IPO11: variants seen among roughly 807,000 people sequenced by gnomAD.
The protein encoded by IPO11 is importin-11.
IPO11 carries 66 observed loss-of-function variants against 143.2 expected under a neutral mutation model. The observed-to-expected ratio is 0.46, with a 90% confidence interval of 0.38 to 0.57. IPO11 has a LOEUF of 0.57. IPO11 is among the 20% of genes least tolerant of loss of function. The pLI, the probability that IPO11 is intolerant of heterozygous loss-of-function variation, is 0.00. For missense variants in IPO11, 1,026 were observed against 1,141.0 expected (o/e 0.90, Z 1.45); for synonymous variants, 385 against 377.8 (o/e 1.02, Z -0.22).
At chr5:62,518,140 TA>T (rs34629573) in intron 20 of IPO11, among the ~76,000 whole-genome samples, 59,804 of 120,314 alleles carry the variant, frequency 0.5, 13,276 homozygotes, top group South Asian at 0.54. Context: ...CCGTGCCTAC[TA>T]AAAAAAAAAA....
At chr5:62,620,517 TAAAAAAAAAAAAAA>T (rs71608518) in intron 29 of IPO11, among the ~76,000 whole-genome samples, 1 of 105,806 alleles carries the variant, frequency 9.5e-6, no homozygotes, top group East Asian at 2.8e-4. Context: ...AGACTCTGTC[TAAAAAAAAAAAAAA>T]AAAAAAAAAT....
rs1745193788 is a variant in IPO11, at chr5:62,457,226, T to C, written c.516+5293T>C. The stretch of plus-strand genomic sequence containing the variant: ...TCATTAGGCTGGGCATGGTGACTCA[T>C]GCCTGTAATCCCAGCACTTTGGAAA... On this transcript the variant is annotated intron_variant, in intron 5 of 29. Transcript: ENST00000325324. Among the ~76,000 whole-genome samples the C allele has an allele frequency of 2.6e-5, 4 of 152,154 alleles. No individual in the cohort carries two copies. The South Asian group carries it at 8.3e-4, about 32-fold the overall frequency.
intron 16 of IPO11, among the ~76,000 whole-genome samples, chr5:62,499,115 T>C (rs555746842): frequency 6.6e-6 from 1 of 152,330 alleles, no homozygotes; most frequent in African/African-American, 2.4e-5. Flanking sequence ...CATATAGTCA[T>C]GTGCTGTTTC....
At chr5:62,599,039 C>G (rs1745401238) in intron 28 of IPO11, among the ~76,000 whole-genome samples, 1 of 152,184 alleles carries the variant, frequency 6.6e-6, no homozygotes, top group Non-Finnish European at 1.5e-5. Context: ...TTAGCATCAA[C>G]ATGACGGAGG....
At chr5:62,504,790 C>T in intron 17 of IPO11, 68 bp from the exon 18 acceptor site, 1 of 1,326,340 alleles carries the variant, frequency 7.5e-7, no homozygotes, top group South Asian at 1.4e-5. Flanking sequence ...TTTATGTATA[C>T]TTGTTTTAGA....
intron 29 of IPO11, 28 bp from the exon 30 acceptor site, chr5:62,627,126 C>G: frequency 6.4e-7 from 1 of 1,561,422 alleles, no homozygotes; most frequent in South Asian, 1.2e-5. Flanking sequence ...GCTTTTTTGA[C>G]AGTCTTGCTC....
At chr5:62,489,762 ACAT>A in intron 14 of IPO11, among the ~76,000 whole-genome samples, 1 of 152,268 alleles carries the variant, frequency 6.6e-6, no homozygotes, top group African/African-American at 2.4e-5. Flanking sequence ...TTTAACTGGA[ACAT>A]TGGGGTTAAA....
chr5:62,450,893 G>T (rs1468741518), intron 4 of IPO11, among the ~76,000 whole-genome samples: 2 of 151,948 alleles, frequency 1.3e-5, no homozygotes, highest in Non-Finnish European at 2.9e-5. Flanking sequence ...TTTAAATTGA[G>T]CTATTAAAGC....
At chr5:62,596,730 C>T (rs1047453674) in intron 28 of IPO11, among the ~76,000 whole-genome samples, 1 of 152,050 alleles carries the variant, frequency 6.6e-6, no homozygotes, top group Admixed American at 6.6e-5. Flanking sequence ...CTAGTGACCT[C>T]CTTAGGAAGT....
chr5:62,535,792 T>G (rs535887509), intron 22 of IPO11, among the ~76,000 whole-genome samples: 3 of 152,108 alleles, frequency 2.0e-5, no homozygotes, highest in Non-Finnish European at 4.4e-5. Flanking sequence ...TTGCCAGAAA[T>G]TAAGAAAAAA....
chr5:62,431,934 C>CACATACATACAT (rs57913836), intron 1 of IPO11, among the ~76,000 whole-genome samples: 6,758 of 148,624 alleles, frequency 0.045, 355 homozygotes, highest in African/African-American at 0.13. Flanking sequence ...GAGCAAGACT[C>CACATACATACAT]ACATACATAC....
chr5:62,490,717 T>C (rs1746578530), intron 15 of IPO11, among the ~76,000 whole-genome samples: 1 of 152,230 alleles, frequency 6.6e-6, no homozygotes, highest in South Asian at 2.1e-4. Context: ...GTAATATGAA[T>C]TATGAAATGA....
chr5:62,520,722 A>T (rs1172390869), intron 20 of IPO11, among the ~76,000 whole-genome samples: 1 of 152,342 alleles, frequency 6.6e-6, no homozygotes, highest in Middle Eastern at 3.4e-3. Context: ...CATAGTGTAT[A>T]TGTGCCATGT....
intron 3 of IPO11, 196 bp downstream of exon 3, chr5:62,443,279 T>C (rs893411711): frequency 4.5e-6 from 2 of 443,074 alleles, no homozygotes; most frequent in East Asian, 3.6e-5. Flanking sequence ...TGTTTGATAT[T>C]TAAAAAAAAT....
chr5:62,503,463 C>A (rs948968254), intron 16 of IPO11, among the ~76,000 whole-genome samples: 5 of 149,248 alleles, frequency 3.4e-5, no homozygotes, highest in Admixed American at 6.7e-5. Flanking sequence ...AGTTTAATAT[C>A]TATTCCTCTC....
intron 1 of IPO11, among the ~76,000 whole-genome samples, chr5:62,437,064 A>C (rs1642987585): frequency 6.6e-6 from 1 of 152,158 alleles, no homozygotes; most frequent in South Asian, 2.1e-4. Context: ...AGTTTCCTTT[A>C]GGAATAAATT....
chr5:62,479,205 C>T (rs878917845), intron 9 of IPO11, among the ~76,000 whole-genome samples: 4 of 152,190 alleles, frequency 2.6e-5, no homozygotes, highest in Admixed American at 2.0e-4. Flanking sequence ...TCCGTCCTTG[C>T]GATAGTATGC....
At position 62,475,377 on chromosome 5, in the gene IPO11, G is replaced by C. The variant is rs539492665; in HGVS notation, c.757+913G>C. Among the ~76,000 whole-genome samples the C allele has an allele frequency of 5.9e-5, 9 of 152,222 alleles. No individual in the cohort carries two copies. The East Asian group carries it at 7.7e-4, about 13-fold the overall frequency. On this transcript the variant is annotated intron_variant, in intron 8 of 29. Transcript: ENST00000325324. Reference sequence around the variant, plus strand: ...CTCTACAAAAAATATTAAAAAGTTAGCCAGGCATGATGGTGTGTGCCTGTA... The same window carrying C: ...CTCTACAAAAAATATTAAAAAGTTACCCAGGCATGATGGTGTGTGCCTGTA...
At position 62,412,799 on chromosome 5, in the gene IPO11, C is replaced by T. The variant is rs1473995744; in HGVS notation, c.-137C>T. On this transcript the variant is annotated 5_prime_UTR_variant, in exon 1 of 30. Transcript: ENST00000325324. ...CTGCGACGCCAAACATGGCGTGTTC[C>T]TAGAAGCCGCTTTCGGCATCAGTAG... 6.5e-6 allele frequency: 1 copy of T among 152,712 alleles called. No homozygotes were observed. The highest frequency in any genetic ancestry group is 1.5e-5 in the Non-Finnish European group (1 of 68,070). 9.5% of individuals were successfully genotyped at this position (152,712 alleles called of 1,614,324 possible).
Sources: allele counts gnomAD v4.1 joint callset (sites outside exome capture counted in the v4.1 genomes callset), GRCh38; gene constraint gnomAD v4.1.1; transcripts MANE v1.5; gene names NCBI Gene and HGNC (gene_info 2026-07-23, HGNC 2026-07-21).